LRRC7: variants seen among roughly 807,000 people sequenced by gnomAD.
LRRC7 encodes leucine rich repeat containing 7.
Under a neutral mutation model 175.7 loss-of-function variants are expected in LRRC7, and 23 were observed. That is an observed-to-expected ratio of 0.13 (90% CI 0.09 to 0.19). The LOEUF is 0.19. Ranked by LOEUF, LRRC7 falls within the 10% of genes least tolerant of loss-of-function variation. The pLI is 1.00. For synonymous variants in LRRC7, 685 were observed against 680.9 expected, an observed-to-expected ratio of 1.01 and a Z score of -0.09; for missense variants, 1,354 against 1,904.7, an observed-to-expected ratio of 0.71 and a Z score of 5.38.
chr1:70,098,757 C>T (rs1199179278), intron 25 of LRRC7, among the ~76,000 whole-genome samples: 1 of 151,170 alleles, frequency 6.6e-6, no homozygotes, highest in African/African-American at 2.4e-5. Flanking sequence ...TACACTCTCC[C>T]AAGACTAAAC....
chr1:69,682,575 C>T (rs181971894), intron 2 of LRRC7, among the ~76,000 whole-genome samples: 1 of 152,194 alleles, frequency 6.6e-6, no homozygotes, highest in African/African-American at 2.4e-5. Context: ...TATGTTAAAA[C>T]CCAATTGATG....
At chr1:69,829,259 G>T (rs1006364457) in intron 5 of LRRC7, among the ~76,000 whole-genome samples, 1 of 151,844 alleles carries the variant, frequency 6.6e-6, no homozygotes, top group Non-Finnish European at 1.5e-5. Context: ...TATAAGCAAA[G>T]TCTTCTGATA....
intron 7 of LRRC7, among the ~76,000 whole-genome samples, chr1:69,914,426 C>T (rs563541441): frequency 2.6e-5 from 4 of 152,104 alleles, no homozygotes; most frequent in Non-Finnish European, 4.4e-5. Context: ...GCTTTGCAAT[C>T]GGATAAATGC....
intron 18 of LRRC7, among the ~76,000 whole-genome samples, chr1:70,029,358 A>C (rs963350115): frequency 1.3e-5 from 2 of 152,134 alleles, no homozygotes; most frequent in African/African-American, 4.8e-5. Context: ...AGGTAGGGTG[A>C]TTCTGTTAAA....
At chr1:69,701,760 T>G (rs1663384726) in intron 2 of LRRC7, among the ~76,000 whole-genome samples, 1 of 152,236 alleles carries the variant, frequency 6.6e-6, no homozygotes, top group East Asian at 1.9e-4. Flanking sequence ...CTGGTTTTAT[T>G]AAATTATAGA....
At chr1:69,780,515 TA>T (rs770908472) in intron 3 of LRRC7, among the ~76,000 whole-genome samples, 5 of 151,272 alleles carry the variant, frequency 3.3e-5, no homozygotes, top group Non-Finnish European at 7.4e-5. Context: ...AAAGGAGAGA[TA>T]AAGGGAGGGA....
rs1008782686 is a variant in LRRC7, at chr1:70,131,142, A to C, written c.*9255A>C. On this transcript the variant is annotated 3_prime_UTR_variant, in exon 27 of 27. Coordinates refer to ENST00000651989, the MANE Select transcript of LRRC7 (RefSeq NM_001370785.2). The stretch of plus-strand genomic sequence containing the variant: ...AAAAAAAATCAGGGTTACCTTGACA[A>C]AACCATGTTACCCCTCCCAAACTTT... Among the ~76,000 whole-genome samples, 2 of 152,234 alleles carry C rather than the reference A, an allele frequency of 1.3e-5. No individual in the cohort carries two copies. Among genetic ancestry groups the C allele is most frequent in the Non-Finnish European group, 2.9e-5 (2 of 68,040 alleles).
chr1:69,636,246 T>C (rs1653338196), intron 1 of LRRC7, among the ~76,000 whole-genome samples: 1 of 152,188 alleles, frequency 6.6e-6, no homozygotes, highest in African/African-American at 2.4e-5. Flanking sequence ...CAATTCTAAA[T>C]CTATTGAGAA....
chr1:69,704,686 C>A (rs1181190956), intron 2 of LRRC7, among the ~76,000 whole-genome samples: 1 of 151,782 alleles, frequency 6.6e-6, no homozygotes, highest in Non-Finnish European at 1.5e-5. Flanking sequence ...CCAGACTTTG[C>A]TAAAAAATCT....
At chr1:69,797,425 A>T (rs1675920839) in intron 4 of LRRC7, among the ~76,000 whole-genome samples, 1 of 152,152 alleles carries the variant, frequency 6.6e-6, no homozygotes, top group Admixed American at 6.5e-5. Context: ...ATTGAAACCC[A>T]AATTCATCAT....
intron 7 of LRRC7, among the ~76,000 whole-genome samples, chr1:69,910,648 A>G (rs778810979): frequency 1.4e-4 from 21 of 152,194 alleles, no homozygotes; most frequent in African/African-American, 4.6e-4. Flanking sequence ...CTCGGGGGTC[A>G]AGGACCTGCT....
intron 23 of LRRC7, among the ~76,000 whole-genome samples, chr1:70,054,667 C>T (rs1661006333): frequency 9.8e-6 from 1 of 102,518 alleles, no homozygotes; most frequent in African/African-American, 4.8e-5. Flanking sequence ...TCTCTGCTCA[C>T]TTGCTCACTG....
At chr1:69,790,975 T>C (rs1174142619) in intron 3 of LRRC7, among the ~76,000 whole-genome samples, 3 of 151,950 alleles carry the variant, frequency 2.0e-5, no homozygotes, top group Non-Finnish European at 1.5e-5. Context: ...ATAACGACCA[T>C]GTGCTACATT....
chr1:69,866,371 C>A (rs1684949965), intron 7 of LRRC7, among the ~76,000 whole-genome samples: 1 of 152,102 alleles, frequency 6.6e-6, no homozygotes. Flanking sequence ...GAGCATCAAA[C>A]TGGAGGGAAA....
intron 2 of LRRC7, among the ~76,000 whole-genome samples, chr1:69,717,967 AAGAAAG>A (rs1333506307): frequency 9.1e-6 from 1 of 109,352 alleles, no homozygotes; most frequent in South Asian, 3.3e-4. Context: ...AAGAAAAAGA[AAGAAAG>A]AGAAAGAAAG....
In LRRC7 at chr1:69,884,122, T is replaced by G. The variant is rs1057150238; in HGVS notation, c.647+45839T>G. 1.0e-4 allele frequency among the ~76,000 whole-genome samples: 8 copies of G among 79,968 alleles called. 1 individual carries two copies. Among genetic ancestry groups the G allele is most frequent in the Non-Finnish European group, 5.2e-5 (2 of 38,576 alleles). The allele number at this position is 79,968 out of a possible 152,430, so 52.5% of individuals were successfully genotyped here. A position where few individuals can be genotyped will look rare whatever the true frequency, so the allele number is the denominator to read the frequency against. On this transcript the variant is annotated intron_variant, in intron 7 of 26. Coordinates refer to ENST00000651989, the MANE Select transcript of LRRC7 (RefSeq NM_001370785.2). Reference sequence around the variant, plus strand: ...GGCTCTTTTTTGGTTCCATATGAACTTTAAAGTAGTTTTTTCCAATTCTGT... The same window carrying G: ...GGCTCTTTTTTGGTTCCATATGAACGTTAAAGTAGTTTTTTCCAATTCTGT...
intron 6 of LRRC7, among the ~76,000 whole-genome samples, chr1:69,836,733 A>G (rs537773429): frequency 1.3e-5 from 2 of 152,088 alleles, no homozygotes; most frequent in Non-Finnish European, 2.9e-5. Context: ...TACTAGTACA[A>G]TTGTTGAGAA....
Position 70,135,505 on chromosome 1 carries a change from A to G in LRRC7, c.*13618A>G, listed in dbSNP as rs1157194609. ...CTGTGGGAAGAGAAGAGAGCAGGAG[A>G]AGCTGTCACTTAAAATGCACTGAGA... On this transcript the variant is annotated 3_prime_UTR_variant, in exon 27 of 27. Transcript: ENST00000651989. Among the ~76,000 whole-genome samples the G allele has an allele frequency of 1.3e-5, 2 of 152,116 alleles. No homozygotes were observed. Among genetic ancestry groups the G allele is most frequent in the African/African-American group, 4.8e-5 (2 of 41,416 alleles).
At chr1:69,840,607 T>C (rs1392552486) in intron 7 of LRRC7, among the ~76,000 whole-genome samples, 1 of 152,048 alleles carries the variant, frequency 6.6e-6, no homozygotes, top group Non-Finnish European at 1.5e-5. Flanking sequence ...AGCAAACTGA[T>C]GGAGACTCTT....
Sources: gnomAD v4.1 joint callset for allele counts (sites outside exome capture counted in the v4.1 genomes callset) on GRCh38, gnomAD v4.1.1 for gene constraint, MANE v1.5 for transcripts, NCBI Gene and HGNC (gene_info 2026-07-23, HGNC 2026-07-21) for gene names.